NLGN1: variants seen among roughly 807,000 people sequenced by gnomAD.
NLGN1 encodes neuroligin 1.
In NLGN1, 12 loss-of-function variants were observed where a neutral mutation model predicts 65.5. That is an observed-to-expected ratio of 0.18 (90% CI 0.12 to 0.30). The LOEUF is 0.30. Ranked by LOEUF, NLGN1 falls within the 10% of genes least tolerant of loss-of-function variation. The pLI, the probability that NLGN1 is intolerant of heterozygous loss-of-function variation, is 1.00. For missense variants in NLGN1, 750 were observed against 1,007.1 expected (o/e 0.74, Z 3.46); for synonymous variants, 350 against 359.5 (o/e 0.97, Z 0.30).
intron 4 of NLGN1, among the ~76,000 whole-genome samples, chr3:174,205,405 C>T (rs1458046386): frequency 6.6e-6 from 1 of 152,048 alleles, no homozygotes; most frequent in Non-Finnish European, 1.5e-5. Flanking sequence ...ATAAAACTCT[C>T]CAAATGTAAT....
At chr3:173,901,104 G>A (rs937113379) in intron 4 of NLGN1, among the ~76,000 whole-genome samples, 1 of 151,666 alleles carries the variant, frequency 6.6e-6, no homozygotes, top group African/African-American at 2.4e-5. Flanking sequence ...ATGTTATTTG[G>A]CCTATAAAAA....
At chr3:173,994,491 A>AAAAAAAAAAAAAAAGAG (rs10688223) in intron 4 of NLGN1, among the ~76,000 whole-genome samples, 2 of 81,242 alleles carry the variant, frequency 2.5e-5, no homozygotes, top group Non-Finnish European at 4.4e-5. Flanking sequence ...AAAAAAAAAA[A>AAAAAAAAAAAAAAAGAG]AGAGAGAGAG....
chr3:174,201,326 A>G (rs1734425541), intron 4 of NLGN1, among the ~76,000 whole-genome samples: 1 of 99,274 alleles, frequency 1.0e-5, no homozygotes, highest in South Asian at 4.1e-4. Context: ...GGGAGGCGGG[A>G]GGAGGGAAGG....
chr3:174,281,097 A>T, exon 7 of NLGN1: 2 of 1,613,310 alleles, frequency 1.2e-6, no homozygotes, highest in Non-Finnish European at 1.7e-6. Context: ...GGTTCTTCGG[A>T]CCGCCTGTCC....
chr3:173,672,962 G>A (rs575795168), intron 3 of NLGN1, among the ~76,000 whole-genome samples: 59 of 152,142 alleles, frequency 3.9e-4, no homozygotes, highest in African/African-American at 1.3e-3. Flanking sequence ...ATAAACAATT[G>A]CTCTCTCAGA....
chr3:174,215,740 G>A (rs1038352432), intron 4 of NLGN1, among the ~76,000 whole-genome samples: 4 of 152,244 alleles, frequency 2.6e-5, no homozygotes, highest in East Asian at 3.9e-4. Flanking sequence ...AATGTAGGTC[G>A]CAGAAAACTG....
At chr3:173,435,320 C>A (rs1404128537) in intron 2 of NLGN1, among the ~76,000 whole-genome samples, 1 of 152,098 alleles carries the variant, frequency 6.6e-6, no homozygotes, top group Non-Finnish European at 1.5e-5. Context: ...ACTTTTTCTC[C>A]TTCTACCCCC....
intron 4 of NLGN1, among the ~76,000 whole-genome samples, chr3:174,108,239 C>T (rs1379376046): frequency 6.6e-6 from 1 of 151,964 alleles, no homozygotes; most frequent in Admixed American, 6.6e-5. Flanking sequence ...AGATTTTCTC[C>T]TGCATTCTTT....
At chr3:173,711,891 C>T (rs570063646) in intron 3 of NLGN1, among the ~76,000 whole-genome samples, 6 of 152,270 alleles carry the variant, frequency 3.9e-5, no homozygotes, top group South Asian at 2.1e-4. Context: ...TCCCAGAGTA[C>T]GGACAGTAGT....
chr3:174,000,173 A>G (rs917692951), intron 4 of NLGN1, among the ~76,000 whole-genome samples: 2 of 152,136 alleles, frequency 1.3e-5, no homozygotes, highest in African/African-American at 4.8e-5. Context: ...TTTCTCATCT[A>G]TAATACCCTG....
chr3:173,730,210 AAAGAGT>A (rs1263310123), intron 3 of NLGN1, among the ~76,000 whole-genome samples: 1 of 151,430 alleles, frequency 6.6e-6, no homozygotes, highest in Non-Finnish European at 1.5e-5. Context: ...GATACAAGAG[AAAGAGT>A]AAAACAAAAT....
At chr3:173,666,159 T>C (rs911119003) in intron 3 of NLGN1, among the ~76,000 whole-genome samples, 3 of 152,146 alleles carry the variant, frequency 2.0e-5, no homozygotes, top group Admixed American at 2.0e-4. Context: ...TGACTTTGAG[T>C]TCCTGATAAG....
chr3:173,564,424 A>G (rs1030155244), intron 2 of NLGN1, among the ~76,000 whole-genome samples: 2 of 152,248 alleles, frequency 1.3e-5, no homozygotes, highest in African/African-American at 2.4e-5. Flanking sequence ...ACTGTGTAAA[A>G]CATTATGAGT....
chr3:173,409,001 T>C (rs923001162), intron 1 of NLGN1, among the ~76,000 whole-genome samples: 2 of 151,962 alleles, frequency 1.3e-5, no homozygotes, highest in African/African-American at 2.4e-5. Context: ...CTATTTTGAA[T>C]GTCATTTCTT....
intron 3 of NLGN1, among the ~76,000 whole-genome samples, chr3:173,718,837 C>A (rs570757280): frequency 1.3e-5 from 2 of 151,968 alleles, no homozygotes; most frequent in Non-Finnish European, 2.9e-5. Flanking sequence ...TATAAACATA[C>A]CAGAAACTTT....
At chr3:174,047,876 A>T (rs1733973055) in intron 4 of NLGN1, among the ~76,000 whole-genome samples, 1 of 152,054 alleles carries the variant, frequency 6.6e-6, no homozygotes, top group Admixed American at 6.6e-5. Flanking sequence ...GTGAAGAAAA[A>T]ATTTTGCTAG....
intron 3 of NLGN1, among the ~76,000 whole-genome samples, chr3:173,680,867 C>T (rs966149976): frequency 4.6e-5 from 7 of 152,102 alleles, no homozygotes; most frequent in African/African-American, 1.7e-4. Flanking sequence ...CCCTTTCTGG[C>T]TCCAACTGAA....
chr3:174,074,291 C>A (rs1740466988), intron 4 of NLGN1, among the ~76,000 whole-genome samples: 1 of 152,086 alleles, frequency 6.6e-6, no homozygotes, highest in Non-Finnish European at 1.5e-5. Context: ...TGCCCATTTC[C>A]TATTGGCAAA....
intron 3 of NLGN1, among the ~76,000 whole-genome samples, chr3:173,705,726 G>A (rs17182121): frequency 0.04 from 6,103 of 152,114 alleles, 195 homozygotes; most frequent in Non-Finnish European, 0.062. Flanking sequence ...TCGTCATGGA[G>A]AAAGCCTAGC....
Sources: gnomAD v4.1 joint callset for allele counts (sites outside exome capture counted in the v4.1 genomes callset) on GRCh38, gnomAD v4.1.1 for gene constraint, MANE v1.5 for transcripts, NCBI Gene and HGNC (gene_info 2026-07-23, HGNC 2026-07-21) for gene names.